The following PLXDC2 variants were observed in gnomAD, a reference collection of about 807,000 sequenced individuals.
PLXDC2 encodes plexin domain containing 2.
A neutral mutation model predicts 68.9 loss-of-function variants in PLXDC2; 40 were observed. The observed-to-expected ratio is 0.58, with a 90% CI of 0.45 to 0.76. The LOEUF is 0.76. Among genes scored for constraint, PLXDC2 ranks in the 30% least tolerant of loss-of-function variants. The pLI, the probability that PLXDC2 is intolerant of heterozygous loss-of-function variation, is 0.00. For synonymous variants in PLXDC2, 243 were observed against 234.2 expected (o/e 1.04, Z -0.34); for missense variants, 644 against 661.9 (o/e 0.97, Z 0.30).
chr10:20,227,026 C>CA (rs1835296095), intron 12 of PLXDC2, among the ~76,000 whole-genome samples: 1 of 151,954 alleles, frequency 6.6e-6, no homozygotes, highest in Non-Finnish European at 1.5e-5. Context: ...AGTGATTATT[C>CA]TTTTTTAAAC....
At chr10:20,021,488 G>A (rs1275940316) in intron 2 of PLXDC2, among the ~76,000 whole-genome samples, 1 of 151,638 alleles carries the variant, frequency 6.6e-6, no homozygotes, top group Admixed American at 6.6e-5. Flanking sequence ...CATTTTAATT[G>A]ATTAAATTGT....
Position 19,817,173 on chromosome 10 carries a change from C to G in PLXDC2, c.94C>G (p.Pro32Ala). 1 of 1,571,702 alleles carries G rather than the reference C, an allele frequency of 6.4e-7. No individual in the cohort carries two copies. Among genetic ancestry groups the G allele is most frequent in the African/African-American group, 1.4e-5 (1 of 73,834 alleles). ...TDQFQFADGK[P>A]GDQILDWQYG... ...CCAGTTTCAGTTCGCCGATGGGAAACCCGGAGACCAAATCCTTGGTAAGTA... is the reference window on the plus strand; with the variant it reads ...CCAGTTTCAGTTCGCCGATGGGAAAGCCGGAGACCAAATCCTTGGTAAGTA... The change falls in exon 1 of 14, where the codon CCC becomes GCC. Residue 32 changes from proline (P) to alanine (A), a missense_variant. Physicochemically the swap from Pro to Ala is conservative, Grantham distance 27. Transcript: ENST00000377252.
chr10:20,258,321 C>A (rs774508805), intron 13 of PLXDC2, among the ~76,000 whole-genome samples: 1 of 151,928 alleles, frequency 6.6e-6, no homozygotes, highest in Non-Finnish European at 1.5e-5. Flanking sequence ...CTATTTCTGT[C>A]TTTTCCTTCC....
intron 1 of PLXDC2, among the ~76,000 whole-genome samples, chr10:19,836,965 G>A (rs1836805274): frequency 6.6e-6 from 1 of 152,102 alleles, no homozygotes; most frequent in African/African-American, 2.4e-5. Flanking sequence ...GCCTTTATTT[G>A]TGTTTAAGGA....
intron 1 of PLXDC2, among the ~76,000 whole-genome samples, chr10:19,951,123 C>G (rs1833984226): frequency 6.6e-6 from 1 of 151,898 alleles, no homozygotes; most frequent in Admixed American, 6.6e-5. Flanking sequence ...GAAGCAATTG[C>G]AACAAAAAAA....
intron 1 of PLXDC2, among the ~76,000 whole-genome samples, chr10:19,888,528 A>G (rs957232605): frequency 2.0e-5 from 3 of 152,114 alleles, no homozygotes; most frequent in African/African-American, 7.2e-5. Flanking sequence ...AAAGCAAGTC[A>G]GTGGACAATA....
chr10:20,025,081 A>G (rs1474601670), intron 2 of PLXDC2, among the ~76,000 whole-genome samples: 2 of 152,150 alleles, frequency 1.3e-5, no homozygotes, highest in East Asian at 3.9e-4. Flanking sequence ...TTTCTTTTGA[A>G]TATATACCCA....
intron 7 of PLXDC2, among the ~76,000 whole-genome samples, chr10:20,174,534 G>T (rs1025584144): frequency 2.6e-5 from 4 of 151,994 alleles, no homozygotes; most frequent in African/African-American, 9.7e-5. Context: ...CCCCAAAAGG[G>T]TTTGCTTCGA....
intron 9 of PLXDC2, among the ~76,000 whole-genome samples, chr10:20,193,123 C>G (rs956322266): frequency 6.6e-6 from 1 of 152,024 alleles, no homozygotes; most frequent in African/African-American, 2.4e-5. Flanking sequence ...GTTTTTACTT[C>G]ATTTGGTACA....
At chr10:20,104,075 T>C (rs1380547621) in intron 4 of PLXDC2, among the ~76,000 whole-genome samples, 2 of 152,088 alleles carry the variant, frequency 1.3e-5, no homozygotes, top group East Asian at 3.8e-4. Flanking sequence ...GCTTTCACAG[T>C]GAGATAAGAA....
chr10:19,883,274 T>G (rs949920899), intron 1 of PLXDC2, among the ~76,000 whole-genome samples: 1 of 143,128 alleles, frequency 7.0e-6, no homozygotes, highest in African/African-American at 2.7e-5. Flanking sequence ...TAAAATTTCT[T>G]AAGAAACAAA....
chr10:20,248,224 C>G (rs148160810), intron 13 of PLXDC2, among the ~76,000 whole-genome samples: 1 of 152,202 alleles, frequency 6.6e-6, no homozygotes, highest in East Asian at 1.9e-4. Flanking sequence ...TCAAAGGAAC[C>G]CCTGTATGAC....
chr10:19,979,352 C>G (rs1834510297), intron 1 of PLXDC2, among the ~76,000 whole-genome samples: 1 of 151,454 alleles, frequency 6.6e-6, no homozygotes, highest in Non-Finnish European at 1.5e-5. Flanking sequence ...TTCTTCCTTT[C>G]ATCTGTCTAT....
chr10:19,976,297 T>C (rs749620784), intron 1 of PLXDC2, among the ~76,000 whole-genome samples: 3 of 152,124 alleles, frequency 2.0e-5, no homozygotes, highest in Non-Finnish European at 4.4e-5. Context: ...CACTGCAACC[T>C]CTGCCTCCGA....
intron 13 of PLXDC2, among the ~76,000 whole-genome samples, chr10:20,278,275 G>A (rs1011713868): frequency 1.2e-4 from 18 of 152,132 alleles, no homozygotes; most frequent in African/African-American, 3.4e-4. Flanking sequence ...TGTAGCTTTG[G>A]AGAAGCTCAG....
intron 9 of PLXDC2, among the ~76,000 whole-genome samples, chr10:20,191,911 A>G (rs1834770886): frequency 6.6e-6 from 1 of 152,064 alleles, no homozygotes; most frequent in South Asian, 2.1e-4. Flanking sequence ...AGAGATGCTT[A>G]AAATATTTAT....
At chr10:19,837,623 A>G (rs372927534) in intron 1 of PLXDC2, among the ~76,000 whole-genome samples, 2 of 152,306 alleles carry the variant, frequency 1.3e-5, no homozygotes, top group East Asian at 3.9e-4. Flanking sequence ...CTTTGTAATG[A>G]GTTGCAAACA....
intron 2 of PLXDC2, among the ~76,000 whole-genome samples, chr10:20,040,315 G>C (rs566699647): frequency 6.6e-6 from 1 of 152,226 alleles, no homozygotes; most frequent in African/African-American, 2.4e-5. Flanking sequence ...GACTCAAGGA[G>C]GATGCCCAGT....
chr10:20,115,622 A>T lies in PLXDC2; in HGVS notation c.542-27673A>T, dbSNP rs1833611356. Among the ~76,000 whole-genome samples the T allele has an allele frequency of 2.0e-5, 3 of 152,198 alleles. No homozygotes were observed. The South Asian group carries it at 6.2e-4, about 31-fold the overall frequency. ...AGTTTTTGACAATGGCAATGTAAGA[A>T]ATGCACAGTGTTGAAGATTAGACAA... On this transcript the variant is annotated intron_variant, in intron 4 of 13. Coordinates refer to ENST00000377252, the MANE Select transcript of PLXDC2 (RefSeq NM_032812.9).
Sources: allele counts gnomAD v4.1 joint callset (sites outside exome capture counted in the v4.1 genomes callset), GRCh38; gene constraint gnomAD v4.1.1; transcripts MANE v1.5; gene names NCBI Gene and HGNC (gene_info 2026-07-23, HGNC 2026-07-21).